PDE4D: variants seen among roughly 807,000 people sequenced by gnomAD.
PDE4D encodes phosphodiesterase 4D.
PDE4D carries 24 observed loss-of-function variants against 87.4 expected under a neutral mutation model. That is an observed-to-expected ratio of 0.27 (90% CI 0.20 to 0.39). The LOEUF (loss-of-function observed/expected upper bound fraction) is 0.39, where lower values mean the gene tolerates loss of function less well. PDE4D is among the 10% of genes least tolerant of loss of function. PDE4D has a pLI of 1.00. For missense variants in PDE4D, 714 were observed against 1,041.0 expected, an observed-to-expected ratio of 0.69 and a Z score of 4.32; for synonymous variants, 384 against 383.2, an observed-to-expected ratio of 1.00 and a Z score of -0.02.
At chr5:60,041,956 A>C (rs1768559204) in intron 2 of PDE4D, among the ~76,000 whole-genome samples, 1 of 151,738 alleles carries the variant, frequency 6.6e-6, no homozygotes, top group African/African-American at 2.4e-5. Flanking sequence ...AGTGAGACAG[A>C]ACCATTCACA....
At chr5:60,078,773 A>C (rs1582542088) in intron 2 of PDE4D, among the ~76,000 whole-genome samples, 1 of 152,200 alleles carries the variant, frequency 6.6e-6, no homozygotes, top group African/African-American at 2.4e-5. Flanking sequence ...CATTTTCTTT[A>C]ACCAGTCTAT....
chr5:59,397,754 G>C lies in PDE4D; in HGVS notation c.456-181786C>G, dbSNP rs1345218265. Among the ~76,000 whole-genome samples the C allele has an allele frequency of 7.7e-5, 9 of 117,286 alleles. 1 individual carries two copies. The highest frequency in any genetic ancestry group is 4.2e-3 in the Middle Eastern group (1 of 240). The allele number at this position is 117,286 out of a possible 152,430, so 76.9% of individuals were successfully genotyped here. A position where few individuals can be genotyped will look rare whatever the true frequency, so the allele number is the denominator to read the frequency against. On this transcript the variant is annotated intron_variant, in intron 1 of 14. Coordinates refer to ENST00000340635, the MANE Select transcript of PDE4D (RefSeq NM_001104631.2). ...TCAGAGCAGAACTGAAGGAAATAGAGACACAAAAAACCCTTCAAAAAATTA... is the reference window on the plus strand; with the variant it reads ...TCAGAGCAGAACTGAAGGAAATAGACACACAAAAAACCCTTCAAAAAATTA...
chr5:60,459,863 C>A, intron 1 of PDE4D: 1 of 622,112 alleles, frequency 1.6e-6, no homozygotes, highest in South Asian at 2.0e-5. Context: ...TCTTTTCCTT[C>A]ATCCTTCTCT....
chr5:60,515,068 A>G (rs1478072632), intron 1 of PDE4D, among the ~76,000 whole-genome samples: 2 of 152,176 alleles, frequency 1.3e-5, no homozygotes, highest in Admixed American at 6.5e-5. Context: ...ACAGCATCAA[A>G]AATATCAAAT....
upstream of PDE4D, chr5:59,893,882 A>T: frequency 8.4e-6 from 10 of 1,184,964 alleles, no homozygotes; most frequent in Non-Finnish European, 1.1e-5. Context: ...TCCCCAAGTC[A>T]CCAAGACTAG....
At position 59,577,444 on chromosome 5, in the gene PDE4D, A is replaced by G. The variant is rs181465718; in HGVS notation, c.455+315724T>C. ...TTCTCTGCATTACCTTTAATGGAAG[A>G]ACAATTATGCCTGAATAAGACAGAA... On this transcript the variant is annotated intron_variant, in intron 1 of 14. Coordinates refer to ENST00000340635, the MANE Select transcript of PDE4D (RefSeq NM_001104631.2). 1.3e-4 allele frequency among the ~76,000 whole-genome samples: 20 copies of G among 152,296 alleles called. No homozygotes were observed. In the East Asian group the frequency reaches 3.7e-3, roughly 28 times the overall value.
intron 1 of PDE4D, among the ~76,000 whole-genome samples, chr5:59,487,044 A>G (rs544600680): frequency 6.6e-6 from 1 of 152,330 alleles, no homozygotes; most frequent in East Asian, 1.9e-4. Flanking sequence ...GTAGAAGATA[A>G]TAGGAATCAT....
chr5:60,366,309 T>C (rs988164142), intron 1 of PDE4D, among the ~76,000 whole-genome samples: 3 of 152,040 alleles, frequency 2.0e-5, no homozygotes, highest in Non-Finnish European at 4.4e-5. Context: ...ACCAAGCAAT[T>C]TGAGGCCTAT....
At chr5:59,736,945 C>T (rs1009749728) in intron 1 of PDE4D, among the ~76,000 whole-genome samples, 7 of 152,040 alleles carry the variant, frequency 4.6e-5, no homozygotes, top group African/African-American at 9.7e-5. Flanking sequence ...AAAAGTATTA[C>T]TTTGGTAATC....
intron 1 of PDE4D, among the ~76,000 whole-genome samples, chr5:60,422,890 C>T (rs1378365620): frequency 6.6e-6 from 1 of 152,136 alleles, no homozygotes; most frequent in African/African-American, 2.4e-5. Flanking sequence ...GCAGGGGTTG[C>T]AATCCTGGTC....
intron 1 of PDE4D, among the ~76,000 whole-genome samples, chr5:59,729,010 C>T (rs572454010): frequency 2.0e-4 from 30 of 152,124 alleles, no homozygotes; most frequent in African/African-American, 6.5e-4. Flanking sequence ...GTCATCCTAT[C>T]CCTACACAAC....
intron 1 of PDE4D, among the ~76,000 whole-genome samples, chr5:59,463,378 C>T (rs959741160): frequency 8.5e-5 from 13 of 152,112 alleles, no homozygotes; most frequent in Non-Finnish European, 1.5e-4. Context: ...ATTAAACTCA[C>T]ATACATAGCA....
chr5:59,574,104 TTA>T (rs1246363236), intron 1 of PDE4D, among the ~76,000 whole-genome samples: 1,024 of 5,084 alleles, frequency 0.2, 35 homozygotes, highest in African/African-American at 0.32. Context: ...AAATATATAT[TTA>T]TATATATATA....
At chr5:60,471,919 A>G (rs1408025012) in intron 1 of PDE4D, among the ~76,000 whole-genome samples, 2 of 152,082 alleles carry the variant, frequency 1.3e-5, no homozygotes, top group African/African-American at 2.4e-5. Flanking sequence ...ACACTAGCCC[A>G]TTACTATGGC....
At chr5:59,281,783 C>G (rs1363143565) in intron 1 of PDE4D, among the ~76,000 whole-genome samples, 1 of 152,098 alleles carries the variant, frequency 6.6e-6, no homozygotes, top group South Asian at 2.1e-4. Flanking sequence ...TTTGACTACT[C>G]TAGATATCTT....
intron 5 of PDE4D, among the ~76,000 whole-genome samples, chr5:59,069,749 T>C (rs1169567432): frequency 6.6e-6 from 1 of 152,164 alleles, no homozygotes; most frequent in African/African-American, 2.4e-5. Context: ...TTTCTTGTTA[T>C]GAGGACCAGT....
At chr5:59,893,813 G>C (rs1295201673), upstream of PDE4D, 1 of 1,330,062 alleles carries the variant, frequency 7.5e-7, no homozygotes, top group Non-Finnish European at 9.5e-7. Context: ...AGCGGGAGGG[G>C]TCACAGAACG....
At chr5:59,479,816 C>T (rs1339813207) in intron 1 of PDE4D, among the ~76,000 whole-genome samples, 1 of 152,058 alleles carries the variant, frequency 6.6e-6, no homozygotes, top group Non-Finnish European at 1.5e-5. Flanking sequence ...AAAACTGATA[C>T]TCTTCGACAA....
chr5:59,795,289 A>T (rs1034395855), intron 1 of PDE4D, among the ~76,000 whole-genome samples: 67 of 152,282 alleles, frequency 4.4e-4, no homozygotes, highest in African/African-American at 1.5e-3. Context: ...GTGAGGATAG[A>T]CTTAGGGGGC....
Sources: allele counts gnomAD v4.1 joint callset (sites outside exome capture counted in the v4.1 genomes callset), GRCh38; gene constraint gnomAD v4.1.1; transcripts MANE v1.5; gene names NCBI Gene and HGNC (gene_info 2026-07-23, HGNC 2026-07-21).